CSMD3: variants seen among roughly 807,000 people sequenced by gnomAD.
The protein encoded by CSMD3 is CUB and sushi domain-containing protein 3.
In CSMD3, 177 loss-of-function variants were observed where a neutral mutation model predicts 435.2. The observed-to-expected ratio is 0.41, with a 90% confidence interval of 0.36 to 0.46. CSMD3 has a LOEUF of 0.46. CSMD3 is among the 20% of genes least tolerant of loss of function. The pLI is 0.34. For synonymous variants in CSMD3, 1,656 were observed against 1,520.5 expected (o/e 1.09, Z -2.07); for missense variants, 4,265 against 4,504.6 (o/e 0.95, Z 1.52).
At chr8:112,953,887 AAC>A (rs1489022747) in intron 8 of CSMD3, among the ~76,000 whole-genome samples, 1 of 151,522 alleles carries the variant, frequency 6.6e-6, no homozygotes. Context: ...AATTTGAAAT[AAC>A]TACTTATATA....
At chr8:112,872,155 C>T (rs1020996911) in intron 10 of CSMD3, among the ~76,000 whole-genome samples, 1 of 151,924 alleles carries the variant, frequency 6.6e-6, no homozygotes, top group Non-Finnish European at 1.5e-5. Context: ...ATGATAAAAC[C>T]TATTTAAATC....
chr8:112,798,552 T>C (rs1026303022), intron 13 of CSMD3, among the ~76,000 whole-genome samples: 2 of 151,830 alleles, frequency 1.3e-5, no homozygotes, highest in African/African-American at 2.4e-5. Flanking sequence ...TGTGAATTGT[T>C]TAATTACTAT....
intron 53 of CSMD3, among the ~76,000 whole-genome samples, chr8:112,300,300 A>T (rs1361895921): frequency 2.0e-5 from 3 of 148,352 alleles, no homozygotes; most frequent in African/African-American, 7.3e-5. Flanking sequence ...TTATATATAA[A>T]TTTAAAAATT....
At chr8:113,210,509 T>C (rs1161622397) in intron 3 of CSMD3, among the ~76,000 whole-genome samples, 1 of 152,106 alleles carries the variant, frequency 6.6e-6, no homozygotes, top group Admixed American at 6.6e-5. Flanking sequence ...ATATTTTATA[T>C]ATTCGAATCA....
chr8:113,125,856 T>C (rs540161873), intron 4 of CSMD3, among the ~76,000 whole-genome samples: 5 of 151,862 alleles, frequency 3.3e-5, no homozygotes, highest in Non-Finnish European at 5.9e-5. Context: ...AGAAACTTCT[T>C]TGAACACTTT....
intron 6 of CSMD3, among the ~76,000 whole-genome samples, chr8:112,976,427 G>C (rs1044699727): frequency 1.3e-5 from 2 of 151,996 alleles, no homozygotes; most frequent in African/African-American, 2.4e-5. Context: ...ATGTGGCCCT[G>C]AATCAATCTT....
chr8:112,636,882 G>A lies in CSMD3; in HGVS notation c.3650C>T (p.Thr1217Ile), dbSNP rs746168183. The A allele has an allele frequency of 2.5e-6, 4 of 1,613,544 alleles. No homozygotes were observed. The highest frequency in any genetic ancestry group is 3.4e-6 in the Non-Finnish European group (4 of 1,179,776). Residue 1217 changes from threonine (T) to isoleucine (I), a missense_variant, in exon 22 of 71, where the codon ACA (threonine) becomes ATA (isoleucine). Physicochemically the swap from Thr to Ile is moderately conservative, Grantham distance 89. Around this residue, in one of 3 missense-constraint regions of CSMD3, gnomAD observed 3,255 missense variants for 3,380.2 expected, o/e 0.96. Transcript: ENST00000297405. ...ACCACCAAGACAGATGATCTCTGAT[G>A]TTCCTTCCAGTCGATAACCCGAAGA... ...SCSSGYRLEG[T>I]SEIICLGGGR...
chr8:113,256,792 T>C (rs932490602), intron 3 of CSMD3, among the ~76,000 whole-genome samples: 4 of 152,156 alleles, frequency 2.6e-5, no homozygotes, highest in African/African-American at 7.2e-5. Flanking sequence ...AAACAGACAT[T>C]GCAAGTTTTA....
chr8:113,080,501 C>T (rs1326401916), intron 5 of CSMD3, among the ~76,000 whole-genome samples: 1 of 152,070 alleles, frequency 6.6e-6, no homozygotes, highest in African/African-American at 2.4e-5. Flanking sequence ...AGTTATCTAT[C>T]TAACAGAGGA....
chr8:112,470,396 A>G (rs868669553), intron 32 of CSMD3, among the ~76,000 whole-genome samples: 10 of 152,130 alleles, frequency 6.6e-5, no homozygotes, highest in African/African-American at 2.2e-4. Context: ...GTGACTTACT[A>G]TGTTATTACG....
intron 9 of CSMD3, among the ~76,000 whole-genome samples, chr8:112,938,499 G>A (rs1480849487): frequency 6.6e-6 from 1 of 152,128 alleles, no homozygotes; most frequent in Non-Finnish European, 1.5e-5. Flanking sequence ...TTGAAGGATA[G>A]GTTTCTTATA....
At chr8:112,771,493 C>T (rs940873892) in intron 13 of CSMD3, among the ~76,000 whole-genome samples, 1 of 151,544 alleles carries the variant, frequency 6.6e-6, no homozygotes, top group Non-Finnish European at 1.5e-5. Flanking sequence ...GAGCCAAGAT[C>T]GTGCCAACGC....
In CSMD3 at chr8:113,335,537, CTTTTTTT is replaced by C. The variant is rs1222360431; in HGVS notation, c.179-20751_179-20745del. Among the ~76,000 whole-genome samples the C allele has an allele frequency of 1.3e-4, 4 of 29,726 alleles. No individual in the cohort carries two copies. The South Asian group carries it at 5.0e-3, about 37-fold the overall frequency. The allele number at this position is 29,726 out of a possible 152,430, so 19.5% of individuals were successfully genotyped here. On this transcript the variant is annotated intron_variant, in intron 1 of 70. Coordinates refer to ENST00000297405, the MANE Select transcript of CSMD3 (RefSeq NM_198123.2). ...TCTGGATTTAGCTCTCCTCCTCCTT[CTTTTTTT>C]TTTTTTTTTTTTTTTTTTGGGTATT...
intron 6 of CSMD3, among the ~76,000 whole-genome samples, chr8:112,990,869 T>C (rs891110501): frequency 6.6e-6 from 1 of 151,916 alleles, no homozygotes; most frequent in Non-Finnish European, 1.5e-5. Flanking sequence ...TACATTTCTC[T>C]CTTCCCTTCT....
intron 3 of CSMD3, among the ~76,000 whole-genome samples, chr8:113,258,232 A>G (rs1294215332): frequency 1.3e-5 from 2 of 152,328 alleles, no homozygotes; most frequent in East Asian, 3.9e-4. Context: ...GTTTTGGAAT[A>G]CATTAATAGA....
chr8:112,866,342 G>A (rs2080983085), intron 10 of CSMD3, among the ~76,000 whole-genome samples: 1 of 152,036 alleles, frequency 6.6e-6, no homozygotes, highest in African/African-American at 2.4e-5. Context: ...GCTCTGATAA[G>A]CCTAATATGA....
At chr8:112,552,387 G>T (rs1273933696) in intron 26 of CSMD3, among the ~76,000 whole-genome samples, 1 of 152,020 alleles carries the variant, frequency 6.6e-6, no homozygotes, top group Non-Finnish European at 1.5e-5. Flanking sequence ...TGGGGAGGCT[G>T]AGGTGGGAAG....
intron 3 of CSMD3, among the ~76,000 whole-genome samples, chr8:113,265,107 G>A (rs1208949604): frequency 6.6e-6 from 1 of 151,538 alleles, no homozygotes; most frequent in East Asian, 1.9e-4. Flanking sequence ...TCTGTCAAGT[G>A]CTATAATTTA....
At chr8:112,847,002 GT>G (rs1175287505) in intron 11 of CSMD3, among the ~76,000 whole-genome samples, 1 of 151,966 alleles carries the variant, frequency 6.6e-6, no homozygotes, top group African/African-American at 2.4e-5. Context: ...CTTGTAGTTG[GT>G]TTTTCTAATT....
Sources: gnomAD v4.1 joint callset for allele counts (sites outside exome capture counted in the v4.1 genomes callset) on GRCh38, gnomAD v4.1.1 for gene constraint, gnomAD v4.1.1 regional missense constraint, MANE v1.5 for transcripts, NCBI Gene and HGNC (gene_info 2026-07-23, HGNC 2026-07-21) for gene names.